The following ANK3 variants were observed in gnomAD, a reference collection of about 807,000 sequenced individuals.
ANK3 encodes the protein ankyrin-3.
In ANK3, 57 loss-of-function variants were observed where a neutral mutation model predicts 370.9. That is an observed-to-expected ratio of 0.15 (90% CI 0.12 to 0.19). ANK3 has a LOEUF of 0.19. Among genes scored for constraint, ANK3 ranks in the 10% least tolerant of loss-of-function variants. The probability of loss-of-function intolerance (pLI) is 1.00; values close to 1 mark genes in which losing one functional copy is unlikely to be tolerated. For missense variants in ANK3, 4,439 were observed against 5,302.1 expected, an observed-to-expected ratio of 0.84 and a Z score of 5.06; for synonymous variants, 1,929 against 1,946.3, an observed-to-expected ratio of 0.99 and a Z score of 0.23.
chr10:60,533,122 C>T (rs2076646293), intron 2 of ANK3, among the ~76,000 whole-genome samples: 1 of 152,158 alleles, frequency 6.6e-6, no homozygotes, highest in Admixed American at 6.5e-5. Flanking sequence ...TCAGCTCTTG[C>T]CTGCCCCAGA....
At chr10:60,146,025 T>C in intron 23 of ANK3, 1 of 1,418,594 alleles carries the variant, frequency 7.0e-7, no homozygotes, top group Non-Finnish European at 9.6e-7. Context: ...CTATTACCTA[T>C]TCAAAAAATG....
intron 1 of ANK3, among the ~76,000 whole-genome samples, chr10:60,302,753 A>G (rs2044101288): frequency 6.6e-6 from 1 of 152,230 alleles, no homozygotes; most frequent in Non-Finnish European, 1.5e-5. Flanking sequence ...CAACAAAGCT[A>G]GAGCTATCAG....
chr10:60,114,537 A>G (rs931453803), intron 25 of ANK3, among the ~76,000 whole-genome samples: 1 of 152,232 alleles, frequency 6.6e-6, no homozygotes, highest in Non-Finnish European at 1.5e-5. Context: ...GTTTTATTTC[A>G]ATCTTTTAAG....
intron 2 of ANK3, among the ~76,000 whole-genome samples, chr10:60,538,063 C>CAACT (rs2076763924): frequency 6.6e-6 from 1 of 151,864 alleles, no homozygotes; most frequent in Non-Finnish European, 1.5e-5. Flanking sequence ...CTAAGCAAGG[C>CAACT]AACTGTGGTT....
chr10:60,092,419 A>T (rs967376617), intron 28 of ANK3, among the ~76,000 whole-genome samples: 1 of 152,106 alleles, frequency 6.6e-6, no homozygotes, highest in African/African-American at 2.4e-5. Context: ...AGGTAATTGG[A>T]TCAATACATC....
chr10:60,038,593 G>T (rs539063586), intron 43 of ANK3, among the ~76,000 whole-genome samples: 4 of 152,192 alleles, frequency 2.6e-5, no homozygotes, highest in Non-Finnish European at 5.9e-5. Context: ...CTATGTATCT[G>T]ACAAAAGTCT....
At chr10:60,136,285 A>C (rs188624247) in intron 24 of ANK3, among the ~76,000 whole-genome samples, 1 of 152,278 alleles carries the variant, frequency 6.6e-6, no homozygotes, top group East Asian at 1.9e-4. Context: ...GAGCACTTGA[A>C]ATGTGGCTGG....
chr10:60,179,313 A>G (rs1310498334), intron 18 of ANK3, among the ~76,000 whole-genome samples: 1 of 152,274 alleles, frequency 6.6e-6, no homozygotes, highest in East Asian at 1.9e-4. Context: ...TGTAAAGGAC[A>G]GAGAGATGCT....
rs777870972 is a variant in ANK3, at chr10:60,068,751, C to T, written c.12130G>A (p.Gly4044Ser). Residue 4044 changes from glycine to serine, a missense_variant, in exon 37 of 44, where the codon GGT (glycine) becomes AGT (serine). Physicochemically the swap from Gly to Ser is moderately conservative, Grantham distance 56. This residue lies in a region of ANK3 where 496 missense variants were observed against 529.3 expected (regional missense o/e 0.94). Transcript: ENST00000280772. ...RNTSLSETSRGGQPSVTTKSA... is the reference protein window; with the variant it reads ...RNTSLSETSRSGQPSVTTKSA... ...TTCGTTGTAACCGAAGGCTGGCCAC[C>T]CCGGGAAGTCTCGGACAACGACGTG... is the stretch of plus-strand genomic sequence containing the variant. The T allele has an allele frequency of 1.2e-5, 19 of 1,614,042 alleles. 1 individual carries two copies. The South Asian group carries it at 1.9e-4, about 16-fold the overall frequency.
At chr10:60,603,058 G>A (rs1441529976) in intron 2 of ANK3, among the ~76,000 whole-genome samples, 1 of 152,094 alleles carries the variant, frequency 6.6e-6, no homozygotes, top group African/African-American at 2.4e-5. Flanking sequence ...TGAAACAAAT[G>A]AAGGGCCCTA....
At chr10:60,618,210 G>A (rs1353965703) in intron 1 of ANK3, among the ~76,000 whole-genome samples, 1 of 152,066 alleles carries the variant, frequency 6.6e-6, no homozygotes, top group Non-Finnish European at 1.5e-5. Flanking sequence ...ATGCCACCAT[G>A]CTATAATGTA....
intron 1 of ANK3, among the ~76,000 whole-genome samples, chr10:60,647,779 C>T (rs1478453468): frequency 1.3e-5 from 2 of 152,110 alleles, no homozygotes; most frequent in East Asian, 3.9e-4. Context: ...AAACATTTCC[C>T]TTTTCAACTG....
In ANK3 at chr10:60,673,690, C is replaced by T. The variant is rs370702085; in HGVS notation, c.58-58466G>A. Among the ~76,000 whole-genome samples the T allele has an allele frequency of 4.3e-4, 65 of 152,218 alleles. No individual in the cohort carries two copies. The East Asian group carries it at 0.012, about 28-fold the overall frequency. On this transcript the variant is annotated intron_variant, in intron 1 of 43. Transcript: ENST00000373827. ...TTAAATAAGGTCTCACAAGTGTTCA[C>T]GGTAAAAATAAAGATTTTCAGGACA...
intron 21 of ANK3, among the ~76,000 whole-genome samples, chr10:60,171,207 G>A (rs1466027975): frequency 6.6e-6 from 1 of 152,092 alleles, no homozygotes; most frequent in Non-Finnish European, 1.5e-5. Flanking sequence ...CTTGAAGTTC[G>A]GAATGGGTGC....
At chr10:60,463,884 A>G (rs184353567) in intron 2 of ANK3, among the ~76,000 whole-genome samples, 4 of 152,236 alleles carry the variant, frequency 2.6e-5, no homozygotes, top group African/African-American at 9.6e-5. Context: ...ATCATGCTCC[A>G]AGGGGAATGA....
intron 42 of ANK3, chr10:60,043,977 C>A: frequency 1.0e-6 from 1 of 985,834 alleles, no homozygotes; most frequent in Non-Finnish European, 1.2e-6. Flanking sequence ...ACACTTCAAG[C>A]TGCCACACTG....
chr10:60,626,597 G>A lies in ANK3; in HGVS notation c.58-11373C>T, dbSNP rs530602206. On this transcript the variant is annotated intron_variant, in intron 1 of 43. Coordinates refer to the ANK3 transcript ENST00000373827. ...ACCTTGGAAATTCTCCTCACAGCCA[G>A]TTGATTTAAACCTTCTGCATTAAAG... Among the ~76,000 whole-genome samples, 17 of 152,266 alleles carry A rather than the reference G, an allele frequency of 1.1e-4. No homozygotes were observed. The East Asian group carries it at 3.3e-3, about 29-fold the overall frequency.
chr10:60,226,085 A>G (rs1422127803), intron 8 of ANK3, among the ~76,000 whole-genome samples: 1 of 141,562 alleles, frequency 7.1e-6, no homozygotes, highest in African/African-American at 2.6e-5. Context: ...TATAGAGGAT[A>G]TAGTATATAT....
At chr10:60,465,561 A>T (rs2064990654) in intron 2 of ANK3, among the ~76,000 whole-genome samples, 1 of 152,136 alleles carries the variant, frequency 6.6e-6, no homozygotes, top group Admixed American at 6.6e-5. Flanking sequence ...TTTGGGAGGA[A>T]ATTAAACCAG....
Sources: gnomAD v4.1 joint callset for allele counts (sites outside exome capture counted in the v4.1 genomes callset) on GRCh38, gnomAD v4.1.1 for gene constraint, gnomAD v4.1.1 regional missense constraint, MANE v1.5 for transcripts, NCBI Gene and HGNC (gene_info 2026-07-23, HGNC 2026-07-21) for gene names.